PFKL: variants seen among roughly 807,000 people sequenced by gnomAD.
PFKL encodes the protein ATP-dependent 6-phosphofructokinase, liver type.
A neutral mutation model predicts 92.1 loss-of-function variants in PFKL; 74 were observed. That is an observed-to-expected ratio of 0.80 (90% CI 0.67 to 0.97). The LOEUF (loss-of-function observed/expected upper bound fraction) is 0.97. PFKL is among the 50% of genes least tolerant of loss of function. The probability of loss-of-function intolerance (pLI) is 0.00; values close to 1 mark genes in which losing one functional copy is unlikely to be tolerated. For missense variants in PFKL, 1,028 were observed against 1,116.6 expected, an observed-to-expected ratio of 0.92 and a Z score of 1.13; for synonymous variants, 494 against 456.4, an observed-to-expected ratio of 1.08 and a Z score of -1.05.
chr21:44,314,279 G>A (rs1290000923), intron 7 of PFKL: 3 of 517,140 alleles, frequency 5.8e-6, no homozygotes, highest in African/African-American at 3.9e-5. Flanking sequence ...GCTCAGCCCC[G>A]TGGTCAGTGT....
In PFKL at chr21:44,319,868, G is replaced by C. The variant is rs1363094685; in HGVS notation, c.1128-216G>C. 12 of 544,814 alleles carry C rather than the reference G, an allele frequency of 2.2e-5. No homozygotes were observed. The East Asian group carries it at 2.8e-4, about 13-fold the overall frequency. 33.7% of individuals were successfully genotyped at this position (544,814 alleles called of 1,614,324 possible). A position where few individuals can be genotyped will look rare whatever the true frequency, so the allele number is the denominator to read the frequency against. ...GAGCTGGATGCCGGCCACGTGCTTT[G>C]CTGCACGGGCTGGCGTGGCCTCGTG... On this transcript the variant is annotated intron_variant, in intron 11 of 21. Coordinates refer to ENST00000349048, the MANE Select transcript of PFKL (RefSeq NM_002626.6).
chr21:44,313,532 C>T (rs867746164), intron 5 of PFKL, 106 bp from the exon 6 acceptor site: 2 of 1,086,086 alleles, frequency 1.8e-6, no homozygotes, highest in Middle Eastern at 2.0e-4. Flanking sequence ...GGGGCTGTCC[C>T]CTGCCTGCCT....
chr21:44,305,854 C>G (rs759924945), intron 1 of PFKL: 1 of 1,366,502 alleles, frequency 7.3e-7, no homozygotes, highest in East Asian at 4.6e-5. Flanking sequence ...TCACTGCAGT[C>G]CTGGGAGCCG....
Position 44,313,732 on chromosome 21 carries a change from C to A in PFKL, c.638+50C>A, listed in dbSNP as rs770417321. 1.5e-5 allele frequency: 24 copies of A among 1,559,780 alleles called. 1 individual carries two copies. The South Asian group carries it at 2.2e-4, about 14-fold the overall frequency. ...TGGGTGGCCCGGGTGCTGCTGGGGA[C>A]CGCAGTGACAGGTGTGGCATATTTA... On this transcript the variant is annotated intron_variant, in intron 6 of 21. Transcript: ENST00000349048.
At chr21:44,326,633 G>C (rs1019097496) in intron 21 of PFKL, 82 bp from the exon 22 acceptor site, 4 of 1,436,790 alleles carry the variant, frequency 2.8e-6, no homozygotes, top group East Asian at 2.5e-5. Context: ...AGGGTCGGGG[G>C]GGGTGGGGGG....
chr21:44,312,006 C>A, intron 3 of PFKL, 99 bp from the exon 4 acceptor site: 1 of 1,000,644 alleles, frequency 1.0e-6, no homozygotes, highest in Non-Finnish European at 1.4e-6. Flanking sequence ...GCAGGGTCTG[C>A]CAGCCCCTTG....
chr21:44,318,533 T>C lies in PFKL; in HGVS notation c.1000T>C (p.Cys334Arg). The C allele has an allele frequency of 6.3e-7, 1 of 1,578,454 alleles. No homozygotes were observed. Among genetic ancestry groups the C allele is most frequent in the South Asian group, 1.1e-5 (1 of 88,422 alleles). The change falls in exon 10 of 22, where the codon TGC (cysteine) becomes CGC (arginine). Residue 334 changes from cysteine to arginine, a missense_variant. Cys to Arg is a radical substitution (Grantham distance 180). Coordinates refer to ENST00000349048, the MANE Select transcript of PFKL (RefSeq NM_002626.6). ...LLEATPDTPA[C>R]VVTLSGNQSV... ...GGAAGCCACGCCTGACACGCCGGCCTGCGTGGTCACCCTCTCGGGGAACCA... is the reference window on the plus strand; with the variant it reads ...GGAAGCCACGCCTGACACGCCGGCCCGCGTGGTCACCCTCTCGGGGAACCA...
At chr21:44,318,703 A>G in intron 10 of PFKL, 108 bp downstream of exon 10, 3 of 907,784 alleles carry the variant, frequency 3.3e-6, no homozygotes, top group South Asian at 2.9e-5. Context: ...ACCGGAGGGC[A>G]GGGCCTCGTG....
chr21:44,318,224 G>A (rs981608581), intron 9 of PFKL, among the ~76,000 whole-genome samples: 4 of 152,228 alleles, frequency 2.6e-5, no homozygotes, highest in Admixed American at 2.0e-4. Flanking sequence ...GCATTGCATG[G>A]CACCCTGCAG....
chr21:44,313,365 T>A (rs909261711), intron 5 of PFKL, among the ~76,000 whole-genome samples: 1 of 152,236 alleles, frequency 6.6e-6, no homozygotes, highest in Non-Finnish European at 1.5e-5. Context: ...GAGGGGCAGC[T>A]GCTTGCCCTG....
intron 2 of PFKL, among the ~76,000 whole-genome samples, 193 bp from the exon 3 acceptor site, chr21:44,310,813 G>C (rs902650503): frequency 1.3e-5 from 2 of 152,058 alleles, no homozygotes; most frequent in Non-Finnish European, 2.9e-5. Context: ...CTCACCAGCT[G>C]TGCAGAGGGT....
chr21:44,305,232 G>A, intron 1 of PFKL: 1 of 1,290,430 alleles, frequency 7.7e-7, no homozygotes, highest in Non-Finnish European at 1.0e-6. Context: ...TGAGAACAGT[G>A]TGCCGATCCC....
chr21:44,315,899 G>A lies in PFKL; in HGVS notation c.748-345G>A, dbSNP rs2047189698. On this transcript the variant is annotated intron_variant, in intron 7 of 21. Coordinates refer to ENST00000349048, the MANE Select transcript of PFKL (RefSeq NM_002626.6). ...GTGCCCCGTGGAGCTGCAGCCCTGT[G>A]CGTCTTCCCGCCTGGAAGGCTTCAC... is the stretch of plus-strand genomic sequence containing the variant. The A allele has an allele frequency of 1.4e-5, 5 of 350,216 alleles. 1 individual carries two copies. The highest frequency in any genetic ancestry group is 1.1e-4 in the South Asian group (4 of 37,282). 21.7% of individuals were successfully genotyped at this position (350,216 alleles called of 1,614,324 possible).
chr21:44,325,145 C>T lies in PFKL; in HGVS notation c.1878-8C>T, dbSNP rs753531685. ...TCCCGCCGACTCAGGCCCTGCTGCC[C>T]CTCTCAGGAACGAGAAGTGCCATGA... On this transcript the variant is annotated splice_region_variant and splice_polypyrimidine_tract_variant and intron_variant, in intron 18 of 21. Transcript: ENST00000349048. 4 of 1,585,458 alleles carry T rather than the reference C, an allele frequency of 2.5e-6. No individual in the cohort carries two copies. The highest frequency in any genetic ancestry group is 4.5e-5 in the East Asian group (2 of 44,746).
In PFKL at chr21:44,322,125, C is replaced by G; in HGVS notation, c.1339-8C>G. On this transcript the variant is annotated splice_region_variant and splice_polypyrimidine_tract_variant and intron_variant, in intron 13 of 21. Transcript: ENST00000349048. ...GCTGGCCCCTGAAGCTGCATCTCCT[C>G]CTGGCAGGTGCAAGAAGTAGGCTGG... 1 of 1,603,740 alleles carries G rather than the reference C, an allele frequency of 6.2e-7. No individual in the cohort carries two copies. Among genetic ancestry groups the G allele is most frequent in the East Asian group, 2.2e-5 (1 of 44,784 alleles).
chr21:44,319,493 A>G (rs1372776049), intron 11 of PFKL, 78 bp downstream of exon 11: 3 of 1,224,492 alleles, frequency 2.4e-6, no homozygotes, highest in East Asian at 4.7e-5. Context: ...CAGTGGCGCT[A>G]TGCACGCCTG....
intron 7 of PFKL, chr21:44,316,019 A>G (rs529894743): frequency 5.6e-5 from 32 of 569,306 alleles, no homozygotes; most frequent in South Asian, 1.6e-4. Context: ...TTTCGGGCAG[A>G]GCCCTCTTGT....
intron 4 of PFKL, 80 bp from the exon 5 acceptor site, chr21:44,312,896 AGG>A: frequency 1.4e-6 from 2 of 1,440,076 alleles, no homozygotes; most frequent in Non-Finnish European, 1.9e-6. Flanking sequence ...ATGCGGGGGA[AGG>A]GGTGGCAGGA....
At chr21:44,318,075 G>A (rs1424166711) in intron 9 of PFKL, among the ~76,000 whole-genome samples, 1 of 152,242 alleles carries the variant, frequency 6.6e-6, no homozygotes, top group African/African-American at 2.4e-5. Flanking sequence ...CCCTTTGGCC[G>A]GTGCGGACAC....
Sources: allele counts gnomAD v4.1 joint callset (sites outside exome capture counted in the v4.1 genomes callset), GRCh38; gene constraint gnomAD v4.1.1; transcripts MANE v1.5; gene names NCBI Gene and HGNC (gene_info 2026-07-23, HGNC 2026-07-21).